Variants in UTS2 observed in about 807,000 individuals in gnomAD.
UTS2 encodes the protein urotensin 2, also known as urotensin-2.
UTS2 carries 10 observed loss-of-function variants against 12.6 expected under a neutral mutation model. The ratio of observed to expected loss-of-function variants is 0.80; its 90% CI spans 0.49 to 1.35. The LOEUF is 1.35. Ranked by LOEUF, UTS2 falls within the 40% of genes most tolerant of loss-of-function variation. The pLI is 0.00. For synonymous variants in UTS2, 52 were observed against 50.0 expected (o/e 1.04, Z -0.17); for missense variants, 142 against 143.2 (o/e 0.99, Z 0.04).
At chr1:7,898,264 G>A in the UTS2 span, among the ~76,000 whole-genome samples, 2 of 152,034 alleles carry the variant, frequency 1.3e-5, no homozygotes, top group East Asian at 3.9e-4. Flanking sequence ...GTGGAGGCAG[G>A]GGAATTCCCA....
At chr1:7,875,484 C>T in the UTS2 span, among the ~76,000 whole-genome samples, 1 of 152,178 alleles carries the variant, frequency 6.6e-6, no homozygotes, top group Admixed American at 6.5e-5. Context: ...GGCGTGAGGA[C>T]AAGACCACTC....
the UTS2 span, among the ~76,000 whole-genome samples, chr1:7,905,735 G>C: frequency 6.6e-6 from 1 of 152,106 alleles, no homozygotes; most frequent in African/African-American, 2.4e-5. Flanking sequence ...AGTATTTAAG[G>C]ACAAGTTGTA....
At chr1:7,883,428 A>G in the UTS2 span, among the ~76,000 whole-genome samples, 11 of 152,200 alleles carry the variant, frequency 7.2e-5, no homozygotes, top group African/African-American at 2.4e-4. Context: ...ACAAACAAAC[A>G]GTTTGAGAGA....
chr1:7,886,863 C>G, the UTS2 span, among the ~76,000 whole-genome samples: 1 of 151,676 alleles, frequency 6.6e-6, no homozygotes, highest in African/African-American at 2.4e-5. Flanking sequence ...CCAGCCTGAC[C>G]AACATGGTGA....
chr1:7,863,111 T>C, the UTS2 span, among the ~76,000 whole-genome samples: 1 of 136,446 alleles, frequency 7.3e-6, no homozygotes, highest in East Asian at 2.4e-4. Flanking sequence ...TTGTATTGTA[T>C]TGTATTGTAT....
At chr1:7,883,645 G>A in the UTS2 span, among the ~76,000 whole-genome samples, 2 of 152,012 alleles carry the variant, frequency 1.3e-5, no homozygotes, top group African/African-American at 2.4e-5. Flanking sequence ...AATATCACAT[G>A]TACTGATAAA....
At chr1:7,851,028 A>G (rs2097413546) in intron 1 of UTS2, 106 bp from the exon 2 acceptor site, 1 of 1,062,586 alleles carries the variant, frequency 9.4e-7, no homozygotes, top group Non-Finnish European at 1.4e-6. Flanking sequence ...GAACACTAGA[A>G]AAACTTCCAA....
chr1:7,863,037 T>TGTATTGTA, the UTS2 span, among the ~76,000 whole-genome samples: 9 of 27,660 alleles, frequency 3.3e-4, 1 homozygote, highest in South Asian at 7.1e-3. Flanking sequence ...TGTATTGTAT[T>TGTATTGTA]GTATTGTATT....
At chr1:7,860,490 G>A in the UTS2 span, among the ~76,000 whole-genome samples, 2 of 152,172 alleles carry the variant, frequency 1.3e-5, no homozygotes, top group South Asian at 2.1e-4. Flanking sequence ...GGAAGCCACC[G>A]TAAGGACTTT....
chr1:7,909,945 C>A, the UTS2 span, among the ~76,000 whole-genome samples: 1 of 152,178 alleles, frequency 6.6e-6, no homozygotes, highest in East Asian at 1.9e-4. Flanking sequence ...CAGAAGCACA[C>A]ACAGTACAGT....
chr1:7,863,901 G>A, the UTS2 span, among the ~76,000 whole-genome samples: 140 of 152,330 alleles, frequency 9.2e-4, no homozygotes, highest in African/African-American at 3.2e-3. Flanking sequence ...GACCTGGCCC[G>A]GCCATCTGGA....
the UTS2 span, among the ~76,000 whole-genome samples, chr1:7,888,999 G>A: frequency 2.0e-5 from 3 of 151,818 alleles, no homozygotes; most frequent in Non-Finnish European, 2.9e-5. Flanking sequence ...ATAACTCCTC[G>A]AGGGCTGGTG....
the UTS2 span, among the ~76,000 whole-genome samples, chr1:7,908,600 A>G: frequency 6.6e-6 from 1 of 151,766 alleles, no homozygotes; most frequent in East Asian, 1.9e-4. Context: ...CTTGACTTCT[A>G]TTTCCCCTCT....
the UTS2 span, among the ~76,000 whole-genome samples, chr1:7,896,294 C>T: frequency 2.0e-5 from 3 of 150,336 alleles, no homozygotes; most frequent in Non-Finnish European, 4.4e-5. Flanking sequence ...TCACACCAAA[C>T]ATAAAAATCA....
chr1:7,848,451 A>C (rs542816865), intron 3 of UTS2, among the ~76,000 whole-genome samples: 1 of 152,220 alleles, frequency 6.6e-6, no homozygotes, highest in South Asian at 2.1e-4. Context: ...TAAATAAATA[A>C]ATAAATAGTA....
the UTS2 span, among the ~76,000 whole-genome samples, chr1:7,864,479 C>A: frequency 5.3e-5 from 8 of 152,204 alleles, no homozygotes; most frequent in African/African-American, 1.9e-4. Context: ...ACAACAGTGG[C>A]CTCTGGTCCC....
the UTS2 span, among the ~76,000 whole-genome samples, chr1:7,902,083 C>A: frequency 6.6e-6 from 1 of 152,072 alleles, no homozygotes; most frequent in Non-Finnish European, 1.5e-5. Context: ...GGGAGGGAAG[C>A]TTTGGGGCTC....
the UTS2 span, among the ~76,000 whole-genome samples, chr1:7,907,927 C>G: frequency 6.6e-6 from 1 of 151,648 alleles, no homozygotes; most frequent in Admixed American, 6.6e-5. Context: ...TCTGGGAGGC[C>G]GAGGCAAGCA....
chr1:7,892,634 A>C, the UTS2 span, among the ~76,000 whole-genome samples: 1 of 151,672 alleles, frequency 6.6e-6, no homozygotes, highest in African/African-American at 2.4e-5. Context: ...CCCTGCCACC[A>C]CGCCTGGCTA....
Sources: allele counts gnomAD v4.1 joint callset (sites outside exome capture counted in the v4.1 genomes callset), GRCh38; gene constraint gnomAD v4.1.1; transcripts MANE v1.5; gene names NCBI Gene and HGNC (gene_info 2026-07-23, HGNC 2026-07-21).